Variants in ZNF407 observed in about 807,000 individuals in gnomAD.
ZNF407 encodes the protein zinc finger protein 407.
Under a neutral mutation model 131.2 loss-of-function variants are expected in ZNF407, and 17 were observed. That is an observed-to-expected ratio of 0.13 (90% CI 0.09 to 0.19). The LOEUF is 0.19. ZNF407 is among the 10% of genes least tolerant of loss of function. The probability of loss-of-function intolerance (pLI) is 1.00; values close to 1 mark genes in which losing one functional copy is unlikely to be tolerated. For missense variants in ZNF407, 2,681 were observed against 2,830.6 expected, an observed-to-expected ratio of 0.95 and a Z score of 1.20; for synonymous variants, 1,156 against 1,062.0, an observed-to-expected ratio of 1.09 and a Z score of -1.72.
intron 4 of ZNF407, among the ~76,000 whole-genome samples, chr18:74,823,682 C>A (rs1970372105): frequency 6.6e-6 from 1 of 152,120 alleles, no homozygotes; most frequent in Non-Finnish European, 1.5e-5. Flanking sequence ...TATGTATGCA[C>A]CCAATACGGG....
At chr18:74,948,249 T>C (rs1015106157) in intron 8 of ZNF407, among the ~76,000 whole-genome samples, 5 of 152,236 alleles carry the variant, frequency 3.3e-5, no homozygotes, top group Admixed American at 6.5e-5. Context: ...AGTAGCGGCT[T>C]TTTTCACTTT....
intron 3 of ZNF407, among the ~76,000 whole-genome samples, chr18:74,710,122 G>A (rs879311893): frequency 2.6e-5 from 4 of 152,134 alleles, no homozygotes; most frequent in East Asian, 1.9e-4. Flanking sequence ...TTTTTAACCC[G>A]GTTTTGAATG....
At position 75,063,519 on chromosome 18, in the gene ZNF407, A is replaced by G. The variant is rs1250533229; in HGVS notation, c.5798A>G (p.Gln1933Arg). 5 of 1,581,500 alleles carry G rather than the reference A, an allele frequency of 3.2e-6. No individual in the cohort carries two copies. The highest frequency in any genetic ancestry group is 3.4e-6 in the Non-Finnish European group (4 of 1,165,264). Reference protein sequence around the residue: ...SVVPGPILPEQLADGATQVVV... With the variant: ...SVVPGPILPERLADGATQVVV... ...GTGCCCGGACCCATCCTCCCCGAGC[A>G]GCTGGCTGATGGAGCCACCCAGGTG... The change falls in exon 9 of 9, where the codon CAG becomes CGG. Residue 1933 changes from glutamine (Q) to arginine (R), a missense_variant. By Grantham distance (43) the Gln-to-Arg change is conservative. Transcript: ENST00000299687. This position sits in a 1 kb window ranked among gnomAD's most constrained non-coding sequence, Gnocchi z 6.6.
At chr18:74,669,914 T>C (rs1056781896) in intron 3 of ZNF407, among the ~76,000 whole-genome samples, 3 of 152,252 alleles carry the variant, frequency 2.0e-5, no homozygotes, top group African/African-American at 7.2e-5. Context: ...GATAATTTAA[T>C]TGACAAAACC....
intron 8 of ZNF407, among the ~76,000 whole-genome samples, chr18:74,967,876 A>C (rs980116605): frequency 6.6e-6 from 1 of 152,190 alleles, no homozygotes. Context: ...TCTTTCCACT[A>C]TACTGCAGAC....
chr18:75,041,163 C>T (rs943521749), intron 8 of ZNF407, among the ~76,000 whole-genome samples: 1 of 152,212 alleles, frequency 6.6e-6, no homozygotes, highest in Non-Finnish European at 1.5e-5. Flanking sequence ...GGACAAGCTG[C>T]CCAGGCATAT....
chr18:75,005,707 C>G (rs1972901370), intron 8 of ZNF407, among the ~76,000 whole-genome samples: 1 of 105,300 alleles, frequency 9.5e-6, no homozygotes, highest in Non-Finnish European at 1.8e-5. Flanking sequence ...CCACCCCCCC[C>G]ACCCACCCCC....
At chr18:74,803,855 G>T in intron 4 of ZNF407, 1 of 1,166,932 alleles carries the variant, frequency 8.6e-7, no homozygotes, top group Middle Eastern at 2.0e-4. Flanking sequence ...CTGGAGCATG[G>T]TTTCAAAAAG....
intron 3 of ZNF407, among the ~76,000 whole-genome samples, chr18:74,644,172 G>A (rs1454452804): frequency 6.6e-6 from 1 of 150,396 alleles, no homozygotes; most frequent in African/African-American, 2.5e-5. Flanking sequence ...CACTTTTGGG[G>A]GAATCTTTTT....
chr18:74,621,315 A>T (rs1983499822), intron 1 of ZNF407, among the ~76,000 whole-genome samples: 1 of 152,122 alleles, frequency 6.6e-6, no homozygotes, highest in South Asian at 2.1e-4. Flanking sequence ...AGTTGCTTAA[A>T]GCAATAAGCA....
chr18:75,020,572 A>G (rs1320109000), intron 8 of ZNF407, among the ~76,000 whole-genome samples: 1 of 152,198 alleles, frequency 6.6e-6, no homozygotes, highest in East Asian at 1.9e-4. Flanking sequence ...AAACTATTAA[A>G]TGAATAGCCC....
intron 8 of ZNF407, among the ~76,000 whole-genome samples, chr18:74,942,173 A>C (rs1349591039): frequency 1.3e-5 from 2 of 152,206 alleles, no homozygotes; most frequent in East Asian, 3.9e-4. Context: ...TGTGATTCTT[A>C]TGTCCACCAG....
In ZNF407 at chr18:74,718,744, C is replaced by G. The variant is rs525866; in HGVS notation, c.4803-62684C>G. On this transcript the variant is annotated intron_variant, in intron 3 of 8. Transcript: ENST00000299687. ...ATGTAATTGATTTTTGTGTATTCAC[C>G]TTGTATCCTATGACTTTTCTAAATC... 4.3e-3 allele frequency among the ~76,000 whole-genome samples: 657 copies of G among 152,196 alleles called. 5 individuals carry two copies. Among genetic ancestry groups the G allele is most frequent in the African/African-American group, 0.015 (626 of 41,552 alleles).
intron 2 of ZNF407, among the ~76,000 whole-genome samples, chr18:74,636,962 T>A (rs1984491751): frequency 6.6e-6 from 1 of 152,250 alleles, no homozygotes; most frequent in African/African-American, 2.4e-5. Context: ...ACTTTCTTAA[T>A]ATGCCCTCTT....
At chr18:74,729,611 A>G (rs1242789270) in intron 3 of ZNF407, among the ~76,000 whole-genome samples, 1 of 152,120 alleles carries the variant, frequency 6.6e-6, no homozygotes, top group Non-Finnish European at 1.5e-5. Context: ...TGTGTTCTGT[A>G]GGGTAGAACA....
chr18:74,603,566 A>T (rs1022413449), intron 1 of ZNF407, among the ~76,000 whole-genome samples: 1 of 152,266 alleles, frequency 6.6e-6, no homozygotes, highest in Admixed American at 6.5e-5. Flanking sequence ...GGCACCTTTC[A>T]TAAATTCTGT....
intron 4 of ZNF407, among the ~76,000 whole-genome samples, chr18:74,848,796 C>T (rs1056585844): frequency 6.6e-6 from 1 of 152,120 alleles, no homozygotes; most frequent in African/African-American, 2.4e-5. Flanking sequence ...GTGAGAAGAT[C>T]TCTGGCTAGA....
intron 3 of ZNF407, among the ~76,000 whole-genome samples, chr18:74,671,706 T>C (rs1489445581): frequency 6.6e-6 from 1 of 152,206 alleles, no homozygotes; most frequent in South Asian, 2.1e-4. Context: ...TCTCATTCTT[T>C]TTTATTGCTG....
At chr18:74,919,071 T>C (rs1176756970) in intron 7 of ZNF407, among the ~76,000 whole-genome samples, 1 of 152,194 alleles carries the variant, frequency 6.6e-6, no homozygotes, top group East Asian at 1.9e-4. Flanking sequence ...CCAGAGTCTG[T>C]AGGAAAGGAC....
Sources: allele counts gnomAD v4.1 joint callset (sites outside exome capture counted in the v4.1 genomes callset), GRCh38; gene constraint gnomAD v4.1.1; non-coding constraint Gnocchi (gnomAD v3.1); transcripts MANE v1.5; gene names NCBI Gene and HGNC (gene_info 2026-07-23, HGNC 2026-07-21).